The following ACTR3 variants were observed in gnomAD, a reference collection of about 807,000 sequenced individuals.
ACTR3 encodes actin related protein 3, also known as actin-related protein 3.
Under a neutral mutation model 56.8 loss-of-function variants are expected in ACTR3, and 12 were observed. The ratio of observed to expected loss-of-function variants is 0.21; its 90% CI spans 0.14 to 0.34. The LOEUF is 0.34. Ranked by LOEUF, ACTR3 falls within the 10% of genes least tolerant of loss-of-function variation. The probability of loss-of-function intolerance (pLI) is 1.00; values close to 1 mark genes in which losing one functional copy is unlikely to be tolerated. For missense variants in ACTR3, 282 were observed against 512.5 expected, an observed-to-expected ratio of 0.55 and a Z score of 4.34; for synonymous variants, 162 against 167.4, an observed-to-expected ratio of 0.97 and a Z score of 0.25.
intron 1 of ACTR3, among the ~76,000 whole-genome samples, chr2:113,900,442 G>A (rs1053161965): frequency 2.0e-5 from 3 of 152,144 alleles, no homozygotes; most frequent in Non-Finnish European, 2.9e-5. Flanking sequence ...TGTAGTCGTT[G>A]TCTTCAGTGG....
intron 3 of ACTR3, among the ~76,000 whole-genome samples, chr2:113,925,924 A>C (rs1397971745): frequency 6.6e-6 from 1 of 152,178 alleles, no homozygotes; most frequent in African/African-American, 2.4e-5. Context: ...AGGTTCACAA[A>C]CTTTCTCAGT....
chr2:113,939,589 G>A (rs1679888917), intron 6 of ACTR3, among the ~76,000 whole-genome samples: 1 of 152,156 alleles, frequency 6.6e-6, no homozygotes, highest in Non-Finnish European at 1.5e-5. Context: ...AAAATGATAA[G>A]CACTTTGTCA....
At chr2:113,948,218 A>T (rs1344862736) in intron 8 of ACTR3, among the ~76,000 whole-genome samples, 1 of 152,038 alleles carries the variant, frequency 6.6e-6, no homozygotes, top group Non-Finnish European at 1.5e-5. Context: ...GCAGTGGCTG[A>T]GTCATGGCTC....
At chr2:113,892,262 A>G (rs1034123604) in intron 1 of ACTR3, among the ~76,000 whole-genome samples, 1 of 152,232 alleles carries the variant, frequency 6.6e-6, no homozygotes, top group African/African-American at 2.4e-5. Flanking sequence ...GACCAGTAGG[A>G]TCGGGAAGAG....
chr2:113,956,839 A>T (rs564066292), intron 11 of ACTR3, among the ~76,000 whole-genome samples: 28 of 152,360 alleles, frequency 1.8e-4, no homozygotes, highest in Non-Finnish European at 3.7e-4. Context: ...TGGGCCATAT[A>T]ACCTAGTTGA....
intron 4 of ACTR3, among the ~76,000 whole-genome samples, chr2:113,928,965 C>G (rs1173422005): frequency 2.6e-5 from 4 of 152,104 alleles, no homozygotes; most frequent in Non-Finnish European, 5.9e-5. Flanking sequence ...TGGAATCATG[C>G]AATATGTGCA....
chr2:113,914,335 G>A (rs1434319473), intron 2 of ACTR3, among the ~76,000 whole-genome samples: 3 of 152,128 alleles, frequency 2.0e-5, no homozygotes, highest in South Asian at 2.1e-4. Context: ...CTGTCTGGCC[G>A]GGATCGGTGG....
chr2:113,936,338 G>GT (rs202047277), intron 6 of ACTR3, among the ~76,000 whole-genome samples: 6,941 of 150,080 alleles, frequency 0.046, 225 homozygotes, highest in Non-Finnish European at 0.071. Context: ...TGGTGGGGGG[G>GT]TGCTATTCCT....
At chr2:113,935,633 C>T (rs888958700) in intron 6 of ACTR3, among the ~76,000 whole-genome samples, 3 of 152,192 alleles carry the variant, frequency 2.0e-5, no homozygotes, top group Non-Finnish European at 2.9e-5. Context: ...GAAATTAGGA[C>T]GTGTCCAGCA....
At chr2:113,953,799 T>G (rs1680163315) in intron 10 of ACTR3, 2 of 152,228 alleles carry the variant, frequency 1.3e-5, no homozygotes, top group South Asian at 4.1e-4. Context: ...GAAATTAACC[T>G]TGATCCAGTG....
At position 113,942,181 on chromosome 2, in the gene ACTR3, T is replaced by C; in HGVS notation, c.685-5T>C. On this transcript the variant is annotated splice_polypyrimidine_tract_variant and splice_region_variant and intron_variant, in intron 7 of 11. Transcript: ENST00000263238. Reference sequence around the variant, plus strand: ...AAAAGTTACTTTTGTTTCTTTGTTTTTCAGGAGCGCTATAGTTATGTCTGC... The same window carrying C: ...AAAAGTTACTTTTGTTTCTTTGTTTCTCAGGAGCGCTATAGTTATGTCTGC... 6.5e-7 allele frequency: 1 copy of C among 1,546,092 alleles called. No homozygotes were observed. The highest frequency in any genetic ancestry group is 8.6e-7 in the Non-Finnish European group (1 of 1,157,982).
intron 7 of ACTR3, among the ~76,000 whole-genome samples, chr2:113,940,782 T>C (rs1046099808): frequency 6.6e-6 from 1 of 151,332 alleles, no homozygotes; most frequent in African/African-American, 2.4e-5. Flanking sequence ...TTTAATTACC[T>C]GTAAATTTTT....
At chr2:113,934,462 T>TA (rs1205170798) in intron 6 of ACTR3, 76 bp downstream of exon 6, 1 of 1,007,690 alleles carries the variant, frequency 9.9e-7, no homozygotes, top group African/African-American at 1.7e-5. Context: ...GAATTAATGT[T>TA]ACTTTTAAAA....
At chr2:113,957,145 G>A (rs907842496) in intron 11 of ACTR3, among the ~76,000 whole-genome samples, 14 of 152,188 alleles carry the variant, frequency 9.2e-5, no homozygotes, top group African/African-American at 3.1e-4. Flanking sequence ...TTGGGGACAG[G>A]AGTTAATTGC....
intron 5 of ACTR3, among the ~76,000 whole-genome samples, chr2:113,932,984 A>G (rs1009949313): frequency 1.3e-5 from 2 of 152,290 alleles, no homozygotes; most frequent in African/African-American, 4.8e-5. Context: ...ATTACTAGTC[A>G]TATACTTTGT....
intron 8 of ACTR3, among the ~76,000 whole-genome samples, chr2:113,949,106 G>A (rs1227642631): frequency 6.6e-6 from 1 of 151,474 alleles, no homozygotes; most frequent in East Asian, 2.0e-4. Flanking sequence ...GGCAGGGCGT[G>A]GTGGCTCACA....
intron 3 of ACTR3, among the ~76,000 whole-genome samples, chr2:113,918,446 T>G (rs1387947216): frequency 6.6e-6 from 1 of 151,518 alleles, no homozygotes; most frequent in Admixed American, 6.6e-5. Flanking sequence ...TTCAGTGGCA[T>G]GAACATGACT....
rs189456076 is a variant in ACTR3 at position 113,959,407 on chromosome 2, C to T, written c.*1952C>T. ...ATTGTCATAAATATGTCTTTTCCAC[C>T]GGCGATGGTTGGGTAGTTAAGTGAA... On this transcript the variant is annotated 3_prime_UTR_variant, in exon 12 of 12. Transcript: ENST00000263238. The T allele has an allele frequency of 3.7e-4, 56 of 152,000 alleles. 2 individuals carry two copies. Among genetic ancestry groups the T allele is most frequent in the African/African-American group, 1.3e-3 (52 of 41,500 alleles). 9.4% of individuals were successfully genotyped at this position (152,000 alleles called of 1,614,324 possible).
At chr2:113,902,037 C>T (rs1358353751) in intron 1 of ACTR3, among the ~76,000 whole-genome samples, 1 of 152,124 alleles carries the variant, frequency 6.6e-6, no homozygotes, top group African/African-American at 2.4e-5. Context: ...TAACAGATAC[C>T]TGCATTTGTT....
Sources: gnomAD v4.1 joint callset for allele counts (sites outside exome capture counted in the v4.1 genomes callset) on GRCh38, gnomAD v4.1.1 for gene constraint, MANE v1.5 for transcripts, NCBI Gene and HGNC (gene_info 2026-07-23, HGNC 2026-07-21) for gene names.